Variants in SHCBP1 observed in about 807,000 individuals in gnomAD.
SHCBP1 encodes the protein SHC SH2 domain-binding protein 1.
SHCBP1 carries 60 observed loss-of-function variants against 75.1 expected under a neutral mutation model. The ratio of observed to expected loss-of-function variants is 0.80; its 90% confidence interval spans 0.65 to 0.99. The LOEUF is 0.99. Among genes scored for constraint, SHCBP1 ranks in the 50% least tolerant of loss-of-function variants. The pLI, the probability that SHCBP1 is intolerant of heterozygous loss-of-function variation, is 0.00. For missense variants in SHCBP1, 709 were observed against 809.4 expected, an observed-to-expected ratio of 0.88 and a Z score of 1.50; for synonymous variants, 290 against 293.2, an observed-to-expected ratio of 0.99 and a Z score of 0.11.
intron 12 of SHCBP1, among the ~76,000 whole-genome samples, chr16:46,583,084 G>T (rs1327030678): frequency 6.6e-6 from 1 of 152,182 alleles, no homozygotes; most frequent in Non-Finnish European, 1.5e-5. Context: ...TCCAGGAAAT[G>T]CAGCCTTCAG....
Position 46,582,030 on chromosome 16 carries a change from G to A in SHCBP1, c.1718C>T (p.Thr573Ile). ...TTCAGCCACATCTGGCTCTCCACTT[G>A]TCTGAATTTTAAGCGCTTTATTTTC... is the stretch of plus-strand genomic sequence containing the variant. ...TEENKALKIQ[T>I]SGEPDVAERV... The change falls in exon 13 of 13, where the codon ACA becomes ATA. Residue 573 changes from threonine (T) to isoleucine (I), a missense_variant. Coordinates refer to ENST00000303383, the MANE Select transcript of SHCBP1 (RefSeq NM_024745.5). 1.2e-6 allele frequency: 2 copies of A among 1,606,490 alleles called. No individual in the cohort carries two copies. Among genetic ancestry groups the A allele is most frequent in the Admixed American group, 1.7e-5 (1 of 58,722 alleles).
intron 9 of SHCBP1, among the ~76,000 whole-genome samples, chr16:46,599,530 C>T (rs937699193): frequency 2.6e-5 from 4 of 152,046 alleles, no homozygotes; most frequent in Admixed American, 6.6e-5. Context: ...ACATCAAGAT[C>T]ACTGTTCACA....
intron 9 of SHCBP1, among the ~76,000 whole-genome samples, chr16:46,598,530 G>GA (rs531754729): frequency 1.1e-3 from 167 of 152,072 alleles, no homozygotes; most frequent in African/African-American, 4.0e-3. Context: ...ATTATAAACA[G>GA]ATGTGCTACC....
intron 4 of SHCBP1, among the ~76,000 whole-genome samples, chr16:46,610,845 A>C (rs1404130888): frequency 6.6e-6 from 1 of 151,820 alleles, no homozygotes; most frequent in African/African-American, 2.4e-5. Flanking sequence ...AGGTGCACCC[A>C]GTCCCCATGG....
chr16:46,588,443 AAAG>A (rs1451435475), intron 10 of SHCBP1, among the ~76,000 whole-genome samples: 2 of 152,222 alleles, frequency 1.3e-5, no homozygotes, highest in African/African-American at 4.8e-5. Flanking sequence ...AAAGAAGAAA[AAAG>A]AGAGAAGAAT....
intron 10 of SHCBP1, among the ~76,000 whole-genome samples, chr16:46,588,838 C>T (rs2142998063): frequency 6.6e-6 from 1 of 152,258 alleles, no homozygotes; most frequent in African/African-American, 2.4e-5. Flanking sequence ...CAGCATCATC[C>T]TGATACCAAA....
intron 9 of SHCBP1, among the ~76,000 whole-genome samples, chr16:46,598,273 A>C (rs1194267443): frequency 2.0e-5 from 3 of 152,208 alleles, no homozygotes; most frequent in African/African-American, 4.8e-5. Context: ...CACTATCAAT[A>C]GCTGGTATAG....
chr16:46,593,659 C>G (rs1323549242), intron 10 of SHCBP1, among the ~76,000 whole-genome samples: 2 of 152,022 alleles, frequency 1.3e-5, no homozygotes, highest in Non-Finnish European at 2.9e-5. Context: ...ATGGCTTGAG[C>G]CCAGGAGACT....
At chr16:46,590,367 G>C (rs1358465833) in intron 10 of SHCBP1, among the ~76,000 whole-genome samples, 4 of 152,174 alleles carry the variant, frequency 2.6e-5, no homozygotes, top group Admixed American at 2.0e-4. Flanking sequence ...ACTACCATCA[G>C]AGTGAACAGG....
intron 9 of SHCBP1, among the ~76,000 whole-genome samples, chr16:46,596,279 G>A (rs1043787655): frequency 6.6e-6 from 1 of 151,974 alleles, no homozygotes; most frequent in Admixed American, 6.6e-5. Context: ...GCCGAGGGGG[G>A]CAGAACACCC....
In SHCBP1 at chr16:46,580,426, G is replaced by GA. The variant is rs1964852224; in HGVS notation, c.*1302dup. 6 of 152,018 alleles carry GA rather than the reference G, an allele frequency of 3.9e-5. No individual in the cohort carries two copies. The highest frequency in any genetic ancestry group is 3.4e-3 in the Middle Eastern group (1 of 294). The allele number at this position is 152,018 out of a possible 1,614,324, so 9.4% of individuals were successfully genotyped here. A position where few individuals can be genotyped will look rare whatever the true frequency, so the allele number is the denominator to read the frequency against. ...AAACAAACATAACCACACTTAATGG[G>GA]AAAAAATGTAATACTCTTTCTAAAG... On this transcript the variant is annotated 3_prime_UTR_variant, in exon 13 of 13. Coordinates refer to ENST00000303383, the MANE Select transcript of SHCBP1 (RefSeq NM_024745.5).
At chr16:46,599,336 G>A (rs1965191906) in intron 9 of SHCBP1, among the ~76,000 whole-genome samples, 1 of 152,090 alleles carries the variant, frequency 6.6e-6, no homozygotes, top group African/African-American at 2.4e-5. Context: ...AGATGCCATT[G>A]TAGGGTTATT....
chr16:46,584,074 T>A lies in SHCBP1; in HGVS notation c.1480A>T (p.Ile494Phe). The A allele has an allele frequency of 2.5e-6, 4 of 1,600,226 alleles. No individual in the cohort carries two copies. Among genetic ancestry groups the A allele is most frequent in the Non-Finnish European group, 3.4e-6 (4 of 1,172,030 alleles). ...LYGAKGAGIE[I>F]YPGSQCTLSD... ...AGGGTGCACTGACTCCCAGGGTAGA[T>A]TTCTATACCAGCACCCTGTGAGTCA... is the stretch of plus-strand genomic sequence containing the variant. The change falls in exon 11 of 13, where the codon ATC (isoleucine) becomes TTC (phenylalanine). Residue 494 changes from isoleucine to phenylalanine, a missense_variant. Physicochemically the swap from Ile to Phe is conservative, Grantham distance 21 (BLOSUM62 0). Coordinates refer to ENST00000303383, the MANE Select transcript of SHCBP1 (RefSeq NM_024745.5).
At chr16:46,605,963 T>TG (rs1965320376) in intron 5 of SHCBP1, among the ~76,000 whole-genome samples, 2 of 7,826 alleles carry the variant, frequency 2.6e-4, no homozygotes, top group Non-Finnish European at 4.8e-4. Context: ...TGAACAGCTG[T>TG]GAAAAAAAAA....
chr16:46,595,108 G>A (rs907958915), intron 10 of SHCBP1, among the ~76,000 whole-genome samples: 7 of 152,220 alleles, frequency 4.6e-5, no homozygotes, highest in African/African-American at 1.7e-4. Context: ...AGAGGCAGGT[G>A]AGTTTGGCTC....
rs187040985 is a variant in SHCBP1, at chr16:46,602,375, G to A, written c.1213+1164C>T. Among the ~76,000 whole-genome samples the A allele has an allele frequency of 2.7e-3, 407 of 152,250 alleles. 2 individuals are homozygous for A. Among genetic ancestry groups the A allele is most frequent in the African/African-American group, 9.2e-3 (383 of 41,554 alleles). On this transcript the variant is annotated intron_variant, in intron 8 of 12. Transcript: ENST00000303383. ...GGAACAGGAGAAAACTAAACTTCCA[G>A]CTTCAGTTCCATTTAGAAGTACTGA...
rs777349680 is a variant in SHCBP1, at chr16:46,608,323, G to C, written c.663C>G (p.Val221=). 1 of 1,613,500 alleles carries C rather than the reference G, an allele frequency of 6.2e-7. No individual in the cohort carries two copies. Among genetic ancestry groups the C allele is most frequent in the East Asian group, 2.2e-5 (1 of 44,860 alleles). The change falls in exon 5 of 13, where the codon GTC becomes GTG. Residue 221 remains valine (V), a synonymous_variant. Coordinates refer to ENST00000303383, the MANE Select transcript of SHCBP1 (RefSeq NM_024745.5). The part of the protein sequence containing the change: ...EEEEDEYDYF[V]RCVEPRLRLH... ...ATCTTAATCGAGGTTCAACACATCT[G>C]ACAAAATAATCGTATTCATCCTCCT...
At chr16:46,617,237 G>A (rs1039402150) in intron 3 of SHCBP1, among the ~76,000 whole-genome samples, 4 of 151,958 alleles carry the variant, frequency 2.6e-5, no homozygotes, top group Non-Finnish European at 5.9e-5. Context: ...AGCCGAGATC[G>A]TCCCACTGCA....
At chr16:46,617,884 A>G in intron 2 of SHCBP1, 135 bp from the exon 3 acceptor site, 1 of 767,752 alleles carries the variant, frequency 1.3e-6, no homozygotes, top group Non-Finnish European at 2.1e-6. Flanking sequence ...AAAAGATAAA[A>G]GATGCAAAAA....
Sources: allele counts gnomAD v4.1 joint callset (sites outside exome capture counted in the v4.1 genomes callset), GRCh38; gene constraint gnomAD v4.1.1; transcripts MANE v1.5; gene names NCBI Gene and HGNC (gene_info 2026-07-23, HGNC 2026-07-21).